The following CRIM1 variants were observed in gnomAD, a reference collection of about 807,000 sequenced individuals.
The protein encoded by CRIM1 is cysteine rich transmembrane BMP regulator 1.
Under a neutral mutation model 116.4 loss-of-function variants are expected in CRIM1, and 32 were observed. The observed-to-expected ratio is 0.27, with a 90% CI of 0.21 to 0.37. The LOEUF is 0.37. CRIM1 is among the 10% of genes least tolerant of loss of function. CRIM1 has a pLI of 1.00. For synonymous variants in CRIM1, 590 were observed against 509.2 expected, an observed-to-expected ratio of 1.16 and a Z score of -2.13; for missense variants, 1,331 against 1,354.8, an observed-to-expected ratio of 0.98 and a Z score of 0.28.
intron 2 of CRIM1, among the ~76,000 whole-genome samples, chr2:36,434,810 G>A (rs1050252308): frequency 5.9e-5 from 9 of 152,134 alleles, no homozygotes; most frequent in Non-Finnish European, 1.2e-4. Flanking sequence ...CACTTGAAGA[G>A]TAGGCCCTTT....
intron 2 of CRIM1, among the ~76,000 whole-genome samples, chr2:36,402,256 C>T (rs1672463565): frequency 1.3e-5 from 2 of 152,082 alleles, no homozygotes; most frequent in South Asian, 4.2e-4. Flanking sequence ...TATTCAGGGA[C>T]CTCAGGGACA....
chr2:36,543,513 G>C (rs1464644531), intron 14 of CRIM1, among the ~76,000 whole-genome samples: 2 of 152,092 alleles, frequency 1.3e-5, no homozygotes, highest in African/African-American at 4.8e-5. Context: ...AAAAATCAGT[G>C]AATAATATGG....
At chr2:36,460,430 A>G (rs937781754) in intron 4 of CRIM1, among the ~76,000 whole-genome samples, 1 of 152,182 alleles carries the variant, frequency 6.6e-6, no homozygotes. Flanking sequence ...TCTTTTTGAG[A>G]TGATGAAAAT....
At chr2:36,541,859 T>C (rs1013286162) in intron 14 of CRIM1, among the ~76,000 whole-genome samples, 2 of 152,198 alleles carry the variant, frequency 1.3e-5, no homozygotes, top group African/African-American at 4.8e-5. Context: ...GAGTCTTGGG[T>C]TGAAGGCGGT....
At chr2:36,538,602 T>C (rs1225225854) in intron 14 of CRIM1, among the ~76,000 whole-genome samples, 1 of 152,226 alleles carries the variant, frequency 6.6e-6, no homozygotes, top group Non-Finnish European at 1.5e-5. Flanking sequence ...TCTGCACATG[T>C]TGGCCTTTTG....
rs78146902 is a variant in CRIM1 at position 36,370,897 on chromosome 2, A to G, written c.331+14274A>G. ...GGACCTTAGCAGTCTGCATGTTATTACTAAAAGCCCACAGGTAAGGGAAAA... is the reference window on the plus strand; with the variant it reads ...GGACCTTAGCAGTCTGCATGTTATTGCTAAAAGCCCACAGGTAAGGGAAAA... On this transcript the variant is annotated intron_variant, in intron 1 of 16. Transcript: ENST00000280527. 1.5e-3 allele frequency among the ~76,000 whole-genome samples: 233 copies of G among 152,340 alleles called. 4 individuals are homozygous for G. In the East Asian group the frequency reaches 0.042, roughly 28 times the overall value.
intron 2 of CRIM1, among the ~76,000 whole-genome samples, chr2:36,410,322 C>G (rs1194380588): frequency 6.6e-6 from 1 of 151,934 alleles, no homozygotes; most frequent in African/African-American, 2.4e-5. Context: ...TATCAGTAGC[C>G]TTTCTTTTCC....
chr2:36,518,045 G>A (rs1278912914), intron 12 of CRIM1, among the ~76,000 whole-genome samples: 1 of 152,188 alleles, frequency 6.6e-6, no homozygotes, highest in Non-Finnish European at 1.5e-5. Context: ...GTAAGTTAAT[G>A]CCAAAAAGCA....
chr2:36,506,181 TCA>T (rs3076519), intron 8 of CRIM1, among the ~76,000 whole-genome samples: 5,914 of 120,402 alleles, frequency 0.049, 142 homozygotes, highest in African/African-American at 0.069. Flanking sequence ...TCTCTCTCTC[TCA>T]CACACACACA....
chr2:36,497,070 T>C (rs1461876730), intron 7 of CRIM1, among the ~76,000 whole-genome samples: 1 of 151,168 alleles, frequency 6.6e-6, no homozygotes, highest in Non-Finnish European at 1.5e-5. Context: ...TCAAGGTCAG[T>C]TTAATCTTCA....
At chr2:36,539,429 C>T (rs928548274) in intron 14 of CRIM1, among the ~76,000 whole-genome samples, 3 of 152,166 alleles carry the variant, frequency 2.0e-5, no homozygotes, top group Non-Finnish European at 4.4e-5. Context: ...CACGGCCAGA[C>T]ACAAAGGGTC....
intron 8 of CRIM1, among the ~76,000 whole-genome samples, chr2:36,503,875 C>G (rs569395549): frequency 1.3e-5 from 2 of 151,808 alleles, no homozygotes; most frequent in African/African-American, 4.8e-5. Context: ...CCATTAGCTT[C>G]TAGATTTTTT....
rs1472889469 is a variant in CRIM1 at position 36,388,359 on chromosome 2, G to C, written c.332-8255G>C. 2.0e-5 allele frequency among the ~76,000 whole-genome samples: 3 copies of C among 152,018 alleles called. No individual in the cohort carries two copies. The East Asian group carries it at 5.8e-4, about 29-fold the overall frequency. On this transcript the variant is annotated intron_variant, in intron 1 of 16. Coordinates refer to ENST00000280527, the MANE Select transcript of CRIM1 (RefSeq NM_016441.3). Reference sequence around the variant, plus strand: ...TTTGTTTTCAAAACAAAGTCTAATTGGTCTGATAATGGAACATTATTTTAA... The same window carrying C: ...TTTGTTTTCAAAACAAAGTCTAATTCGTCTGATAATGGAACATTATTTTAA...
chr2:36,474,223 G>GT (rs1293607454), intron 5 of CRIM1, among the ~76,000 whole-genome samples: 4 of 152,034 alleles, frequency 2.6e-5, no homozygotes, highest in Admixed American at 6.6e-5. Context: ...CTCGGTACCA[G>GT]TTTTTTTAAA....
intron 1 of CRIM1, among the ~76,000 whole-genome samples, chr2:36,365,720 T>C (rs1669542811): frequency 6.6e-6 from 1 of 151,210 alleles, no homozygotes; most frequent in Non-Finnish European, 1.5e-5. Context: ...AGAACAGAAC[T>C]ATGAACTATG....
At chr2:36,528,856 G>A (rs753581094) in intron 13 of CRIM1, among the ~76,000 whole-genome samples, 3 of 152,184 alleles carry the variant, frequency 2.0e-5, no homozygotes, top group Admixed American at 6.5e-5. Flanking sequence ...AGCAGTGTTT[G>A]ATTTCAGTTT....
intron 2 of CRIM1, among the ~76,000 whole-genome samples, chr2:36,423,361 A>G (rs1674212632): frequency 6.6e-6 from 1 of 152,226 alleles, no homozygotes; most frequent in South Asian, 2.1e-4. Context: ...ACCTGTGAAT[A>G]GTCCATAAAG....
At chr2:36,385,821 C>T (rs987105850) in intron 1 of CRIM1, among the ~76,000 whole-genome samples, 2 of 152,210 alleles carry the variant, frequency 1.3e-5, no homozygotes, top group African/African-American at 4.8e-5. Context: ...GCTCAGCTTC[C>T]CTCCTCAGTA....
At chr2:36,396,328 C>G (rs1168164564) in intron 1 of CRIM1, among the ~76,000 whole-genome samples, 1 of 152,206 alleles carries the variant, frequency 6.6e-6, no homozygotes, top group Non-Finnish European at 1.5e-5. Flanking sequence ...AAAGGCATCT[C>G]AGTTGTTGTT....
Sources: allele counts gnomAD v4.1 joint callset (sites outside exome capture counted in the v4.1 genomes callset), GRCh38; gene constraint gnomAD v4.1.1; transcripts MANE v1.5; gene names NCBI Gene and HGNC (gene_info 2026-07-23, HGNC 2026-07-21).